The following MGRN1 variants were observed in gnomAD, a reference collection of about 807,000 sequenced individuals.
The protein encoded by MGRN1 is E3 ubiquitin-protein ligase MGRN1.
MGRN1 carries 29 observed loss-of-function variants against 69.2 expected under a neutral mutation model. That is an observed-to-expected ratio of 0.42 (90% CI 0.31 to 0.57). The LOEUF (loss-of-function observed/expected upper bound fraction) is 0.57. Ranked by LOEUF, MGRN1 falls within the 20% of genes least tolerant of loss-of-function variation. The pLI is 0.15. For missense variants in MGRN1, 998 were observed against 796.2 expected (o/e 1.25, Z -3.05); for synonymous variants, 470 against 344.2 (o/e 1.37, Z -4.04).
In MGRN1 at chr16:4,681,589, C is replaced by G; in HGVS notation, c.1171C>G (p.Leu391Val). 3 of 1,613,526 alleles carry G rather than the reference C, an allele frequency of 1.9e-6. No individual in the cohort carries two copies. Among genetic ancestry groups the G allele is most frequent in the Non-Finnish European group, 2.5e-6 (3 of 1,179,974 alleles). Residue 391 changes from leucine to valine, a missense_variant, in exon 13 of 17, where the codon CTG becomes GTG. By Grantham distance (32) the Leu-to-Val change is conservative (BLOSUM62 1). Transcript: ENST00000262370. Reference sequence around the variant, plus strand: ...CCCACCTGGCTACGAGCCCATCTCGCTGCTCGAGGCGCTCAACGGCCTCCG... The same window carrying G: ...CCCACCTGGCTACGAGCCCATCTCGGTGCTCGAGGCGCTCAACGGCCTCCG... Reference protein sequence around the residue: ...SVPPGYEPISLLEALNGLRAV... With the variant: ...SVPPGYEPISVLEALNGLRAV...
At position 4,673,558 on chromosome 16, in the gene MGRN1, C is replaced by A; in HGVS notation, c.856C>A (p.Arg286=). Residue 286 remains arginine (R), a synonymous_variant, in exon 10 of 17, where the codon CGG becomes AGG. Coordinates refer to ENST00000262370, the MANE Select transcript of MGRN1 (RefSeq NM_015246.4). The part of the protein sequence containing the change: ...NECVVCLSDL[R]DTLILPCRHL... ...GTGTGTGGTGTGCCTGTCCGACCTG[C>A]GGGACACGCTGATCCTGCCCTGCCG... is the stretch of plus-strand genomic sequence containing the variant. 2 of 1,613,756 alleles carry A rather than the reference C, an allele frequency of 1.2e-6. No individual in the cohort carries two copies. Among genetic ancestry groups the A allele is most frequent in the Non-Finnish European group, 1.7e-6 (2 of 1,179,984 alleles).
At chr16:4,682,372 G>A (rs575558437) in intron 13 of MGRN1, among the ~76,000 whole-genome samples, 1 of 152,344 alleles carries the variant, frequency 6.6e-6, no homozygotes, top group East Asian at 1.9e-4. Context: ...ATAGAGCGGC[G>A]GCTGCCAGGG....
intron 1 of MGRN1, among the ~76,000 whole-genome samples, chr16:4,630,678 C>G (rs112671657): frequency 5.0e-4 from 76 of 152,214 alleles, no homozygotes; most frequent in African/African-American, 1.7e-3. Flanking sequence ...TCAAACTGAC[C>G]TTGTGATCTG....
At chr16:4,660,476 A>G (rs2078651931) in intron 5 of MGRN1, among the ~76,000 whole-genome samples, 1 of 152,210 alleles carries the variant, frequency 6.6e-6, no homozygotes, top group Non-Finnish European at 1.5e-5. Context: ...TAGTTTCTGC[A>G]GTGTGATGAG....
intron 5 of MGRN1, chr16:4,663,923 C>G (rs547013846): frequency 2.0e-5 from 3 of 152,548 alleles, no homozygotes; most frequent in East Asian, 3.9e-4. Context: ...CTCAAGCCAG[C>G]CTCGTGGTCT....
At chr16:4,680,301 C>G (rs1474592333) in intron 12 of MGRN1, 2 of 556,194 alleles carry the variant, frequency 3.6e-6, no homozygotes, top group Non-Finnish European at 3.2e-6. Context: ...GCCAGGTGCG[C>G]TGGCCCCGCC....
At chr16:4,669,431 C>CAAAAAAAAGAAAAAAAAAAAA (rs2078890167) in intron 8 of MGRN1, among the ~76,000 whole-genome samples, 1 of 93,024 alleles carries the variant, frequency 1.1e-5, no homozygotes, top group Non-Finnish European at 2.1e-5. Flanking sequence ...AAGACTGTGT[C>CAAAAAAAAGAAAAAAAAAAAA]AAAAAAAAAA....
chr16:4,639,810 G>C (rs1053891634), intron 1 of MGRN1: 5 of 152,178 alleles, frequency 3.3e-5, no homozygotes, highest in African/African-American at 1.2e-4. Flanking sequence ...CCTGAACTCT[G>C]GTCTGATAAA....
chr16:4,683,172 G>A (rs1196958167), intron 14 of MGRN1, 52 bp from the exon 15 acceptor site: 1 of 1,604,274 alleles, frequency 6.2e-7, no homozygotes, highest in Non-Finnish European at 8.5e-7. Flanking sequence ...TTGTCCTGGA[G>A]CGGTGGCCGC....
At chr16:4,636,146 G>T (rs1000579647) in intron 1 of MGRN1, among the ~76,000 whole-genome samples, 7 of 152,086 alleles carry the variant, frequency 4.6e-5, no homozygotes, top group African/African-American at 1.7e-4. Context: ...TTAATGTGCA[G>T]TTTGATAAAT....
At chr16:4,636,037 G>C (rs1328793534) in intron 1 of MGRN1, among the ~76,000 whole-genome samples, 4 of 151,580 alleles carry the variant, frequency 2.6e-5, no homozygotes, top group Non-Finnish European at 5.9e-5. Context: ...CTTGACCTCA[G>C]GTGATCCACC....
chr16:4,675,175 G>A (rs1209455486), intron 10 of MGRN1, among the ~76,000 whole-genome samples: 1 of 151,252 alleles, frequency 6.6e-6, no homozygotes, highest in Non-Finnish European at 1.5e-5. Flanking sequence ...GTTTTACATT[G>A]TTGCCCAGTC....
chr16:4,660,840 C>T (rs2078661268), intron 5 of MGRN1, among the ~76,000 whole-genome samples: 1 of 152,216 alleles, frequency 6.6e-6, no homozygotes, highest in South Asian at 2.1e-4. Flanking sequence ...TCAGCCCTGA[C>T]AGGCCCCCCA....
chr16:4,671,208 G>C, intron 8 of MGRN1, 183 bp from the exon 9 acceptor site: 1 of 613,806 alleles, frequency 1.6e-6, no homozygotes, highest in Non-Finnish European at 2.9e-6. Context: ...TCCAGGTGCT[G>C]CTGGTTGGGT....
intron 5 of MGRN1, chr16:4,664,432 TGGATGGTGGC>T: frequency 2.1e-6 from 1 of 479,232 alleles, no homozygotes; most frequent in Non-Finnish European, 3.7e-6. Flanking sequence ...GTTCTGGAAA[TGGATGGTGGC>T]GGTTGCATGA....
chr16:4,682,461 C>T (rs2079208165), intron 13 of MGRN1, among the ~76,000 whole-genome samples: 3 of 152,202 alleles, frequency 2.0e-5, no homozygotes, highest in African/African-American at 7.2e-5. Context: ...GCCCTGGGCA[C>T]CCTCCATGCC....
At chr16:4,671,998 C>T (rs1235378430) in intron 9 of MGRN1, among the ~76,000 whole-genome samples, 5 of 152,172 alleles carry the variant, frequency 3.3e-5, no homozygotes, top group African/African-American at 1.2e-4. Flanking sequence ...CTCCGCCTCC[C>T]GGGTTCAAGC....
intron 4 of MGRN1, among the ~76,000 whole-genome samples, chr16:4,656,437 C>T (rs1284636972): frequency 6.6e-6 from 1 of 152,218 alleles, no homozygotes; most frequent in Non-Finnish European, 1.5e-5. Context: ...AAGAGAGACC[C>T]GCGCTGCATG....
In MGRN1 at chr16:4,688,195, G is replaced by A. The variant is rs116835255; in HGVS notation, c.1619-601G>A. ...GCAGCCCTGAGGCCATGCTGGCCCC[G>A]TCCCAGGCTCTGCACCAGCACCATT... On this transcript the variant is annotated intron_variant, in intron 16 of 16. Transcript: ENST00000262370. 612 of 985,636 alleles carry A rather than the reference G, an allele frequency of 6.2e-4. 4 individuals are homozygous for A. The African/African-American group carries it at 9.8e-3, about 16-fold the overall frequency. The allele number at this position is 985,636 out of a possible 1,614,324, so 61.1% of individuals were successfully genotyped here.
Sources: allele counts gnomAD v4.1 joint callset (sites outside exome capture counted in the v4.1 genomes callset), GRCh38; gene constraint gnomAD v4.1.1; transcripts MANE v1.5; gene names NCBI Gene and HGNC (gene_info 2026-07-23, HGNC 2026-07-21).